The following UBE2E2 variants were observed in gnomAD, a reference collection of about 807,000 sequenced individuals.
UBE2E2 encodes the protein ubiquitin-conjugating enzyme E2 E2.
In UBE2E2, 6 loss-of-function variants were observed where a neutral mutation model predicts 24.7. That is an observed-to-expected ratio of 0.24 (90% confidence interval 0.13 to 0.48). The LOEUF (loss-of-function observed/expected upper bound fraction) is 0.48. Among genes scored for constraint, UBE2E2 ranks in the 20% least tolerant of loss-of-function variants. The probability of loss-of-function intolerance (pLI) is 0.99; values close to 1 mark genes in which losing one functional copy is unlikely to be tolerated. For missense variants in UBE2E2, 169 were observed against 245.0 expected (o/e 0.69, Z 2.07); for synonymous variants, 104 against 83.6 (o/e 1.24, Z -1.33).
chr3:23,559,239 G>T (rs1055633200), intron 5 of UBE2E2, among the ~76,000 whole-genome samples: 1 of 151,898 alleles, frequency 6.6e-6, no homozygotes, highest in Non-Finnish European at 1.5e-5. Flanking sequence ...TGGCTTTTTT[G>T]TACCTTTTAT....
At chr3:23,211,486 G>A (rs1696323315) in intron 2 of UBE2E2, among the ~76,000 whole-genome samples, 1 of 150,372 alleles carries the variant, frequency 6.7e-6, no homozygotes, top group Admixed American at 6.7e-5. Flanking sequence ...CAACTCCTGG[G>A]CTCATTCAGT....
intron 3 of UBE2E2, among the ~76,000 whole-genome samples, chr3:23,325,555 T>C (rs1469918548): frequency 1.3e-5 from 2 of 152,200 alleles, no homozygotes; most frequent in Admixed American, 1.3e-4. Flanking sequence ...TCTCATTCTT[T>C]TCTTGAGTTT....
intron 3 of UBE2E2, among the ~76,000 whole-genome samples, chr3:23,469,076 C>G (rs919804354): frequency 6.6e-6 from 1 of 152,106 alleles, no homozygotes; most frequent in Non-Finnish European, 1.5e-5. Flanking sequence ...AGAAAGTTAC[C>G]TCTCACAGTT....
chr3:23,408,809 G>GTAT (rs1697430223), intron 3 of UBE2E2, among the ~76,000 whole-genome samples: 1 of 152,108 alleles, frequency 6.6e-6, no homozygotes, highest in Non-Finnish European at 1.5e-5. Flanking sequence ...GTTACTTGGA[G>GTAT]TATTGGTTTA....
chr3:23,411,501 C>T lies in UBE2E2; in HGVS notation c.228-88107C>T, dbSNP rs568002529. On this transcript the variant is annotated intron_variant, in intron 3 of 5. Coordinates refer to ENST00000396703, the MANE Select transcript of UBE2E2 (RefSeq NM_152653.4). Reference sequence around the variant, plus strand: ...GATCTCAGGATAATTCGAGACCTCACCTGTCTATCTTGGGTTATTGAGGAC... The same window carrying T: ...GATCTCAGGATAATTCGAGACCTCATCTGTCTATCTTGGGTTATTGAGGAC... Among the ~76,000 whole-genome samples the T allele has an allele frequency of 9.9e-4, 151 of 152,162 alleles. 1 individual carries two copies. The highest frequency in any genetic ancestry group is 2.1e-3 in the Non-Finnish European group (141 of 68,032).
At chr3:23,255,182 C>T (rs1010608846) in intron 3 of UBE2E2, among the ~76,000 whole-genome samples, 1 of 145,834 alleles carries the variant, frequency 6.9e-6, no homozygotes, top group African/African-American at 2.5e-5. Flanking sequence ...CTCCCATGCT[C>T]AAGCGACCCT....
intron 3 of UBE2E2, among the ~76,000 whole-genome samples, chr3:23,274,376 C>G (rs35346188): frequency 0.074 from 11,286 of 151,968 alleles, 544 homozygotes; most frequent in Non-Finnish European, 0.092. Flanking sequence ...AACAGAGTGA[C>G]GAGTCCCTCT....
chr3:23,466,976 T>G (rs1351352614), intron 3 of UBE2E2, among the ~76,000 whole-genome samples: 3 of 152,212 alleles, frequency 2.0e-5, no homozygotes, highest in Non-Finnish European at 2.9e-5. Context: ...GTTTGCAAGG[T>G]GAAAGCAAAA....
chr3:23,525,147 C>A (rs1694965322), intron 4 of UBE2E2, among the ~76,000 whole-genome samples: 1 of 152,140 alleles, frequency 6.6e-6, no homozygotes, highest in Non-Finnish European at 1.5e-5. Context: ...CTACTACTGA[C>A]CCTGATCCTC....
intron 3 of UBE2E2, among the ~76,000 whole-genome samples, chr3:23,386,508 T>G (rs376030190): frequency 1.2e-4 from 19 of 152,338 alleles, no homozygotes; most frequent in East Asian, 9.6e-4. Flanking sequence ...GTTCGGTTCT[T>G]AAAAGGCGTG....
At chr3:23,465,381 C>T (rs754471715) in intron 3 of UBE2E2, among the ~76,000 whole-genome samples, 1 of 152,098 alleles carries the variant, frequency 6.6e-6, no homozygotes, top group African/African-American at 2.4e-5. Context: ...ATTAAAGCAC[C>T]CCCTCACCCA....
chr3:23,572,870 G>A (rs1231035210), intron 5 of UBE2E2, among the ~76,000 whole-genome samples: 1 of 152,134 alleles, frequency 6.6e-6, no homozygotes, highest in Non-Finnish European at 1.5e-5. Context: ...CTTTTTGGTA[G>A]AACAATCTAT....
chr3:23,570,736 CAA>C (rs1377189541), intron 5 of UBE2E2, among the ~76,000 whole-genome samples: 1 of 152,050 alleles, frequency 6.6e-6, no homozygotes, highest in African/African-American at 2.4e-5. Context: ...AGAAATAAGA[CAA>C]AGTGAAACAA....
intron 4 of UBE2E2, among the ~76,000 whole-genome samples, chr3:23,500,984 G>A (rs1257023624): frequency 6.6e-6 from 1 of 152,064 alleles, no homozygotes; most frequent in Admixed American, 6.5e-5. Context: ...GCTTGCATTT[G>A]GTAGGTTTTC....
intron 3 of UBE2E2, among the ~76,000 whole-genome samples, chr3:23,317,772 CAT>C (rs1325065039): frequency 2.0e-5 from 3 of 152,010 alleles, no homozygotes; most frequent in Non-Finnish European, 4.4e-5. Flanking sequence ...TCTCCCACGA[CAT>C]GTGGGAATTC....
intron 3 of UBE2E2, among the ~76,000 whole-genome samples, chr3:23,495,868 C>T (rs1442987978): frequency 6.6e-6 from 1 of 152,122 alleles, no homozygotes; most frequent in Non-Finnish European, 1.5e-5. Context: ...TCAATATATT[C>T]CAACCCTTTG....
chr3:23,458,513 G>T (rs555769103), intron 3 of UBE2E2, among the ~76,000 whole-genome samples: 2 of 152,032 alleles, frequency 1.3e-5, no homozygotes, highest in Non-Finnish European at 2.9e-5. Flanking sequence ...CGCCTGCCGG[G>T]TTCACACCAT....
At chr3:23,287,659 G>A (rs1407427309) in intron 3 of UBE2E2, among the ~76,000 whole-genome samples, 1 of 151,998 alleles carries the variant, frequency 6.6e-6, no homozygotes, top group Non-Finnish European at 1.5e-5. Context: ...TAGGTTGTAT[G>A]TGTCTAGGAA....
intron 3 of UBE2E2, 107 bp downstream of exon 3, chr3:23,217,419 A>G (rs1457981378): frequency 9.8e-7 from 1 of 1,024,634 alleles, no homozygotes; most frequent in Non-Finnish European, 1.5e-6. Flanking sequence ...TAGTAAAAAC[A>G]TCATTGTTGT....
Sources: gnomAD v4.1 joint callset for allele counts (sites outside exome capture counted in the v4.1 genomes callset) on GRCh38, gnomAD v4.1.1 for gene constraint, MANE v1.5 for transcripts, NCBI Gene and HGNC (gene_info 2026-07-23, HGNC 2026-07-21) for gene names.